NEGR1: variants seen among roughly 807,000 people sequenced by gnomAD.
NEGR1 encodes neuronal growth regulator 1.
NEGR1 carries 10 observed loss-of-function variants against 40.9 expected under a neutral mutation model. The ratio of observed to expected loss-of-function variants is 0.24; its 90% CI spans 0.15 to 0.42. The LOEUF is 0.42. Ranked by LOEUF, NEGR1 falls within the 10% of genes least tolerant of loss-of-function variation. The pLI is 1.00. For synonymous variants in NEGR1, 185 were observed against 166.8 expected (o/e 1.11, Z -0.84); for missense variants, 352 against 438.9 (o/e 0.80, Z 1.77).
At chr1:72,135,119 G>T (rs1650401727) in intron 1 of NEGR1, among the ~76,000 whole-genome samples, 1 of 148,810 alleles carries the variant, frequency 6.7e-6, no homozygotes, top group Non-Finnish European at 1.5e-5. Context: ...GCTCAGGCCT[G>T]TAATCCCAGC....
At chr1:72,171,863 T>C (rs1225620410) in intron 1 of NEGR1, among the ~76,000 whole-genome samples, 2 of 152,184 alleles carry the variant, frequency 1.3e-5, no homozygotes, top group Admixed American at 1.3e-4. Flanking sequence ...TCTTAAACTA[T>C]TCCTTCAACA....
intron 1 of NEGR1, among the ~76,000 whole-genome samples, chr1:72,244,162 TA>T (rs1412393264): frequency 6.6e-6 from 1 of 151,840 alleles, no homozygotes; most frequent in East Asian, 1.9e-4. Flanking sequence ...TGATTTCATA[TA>T]TTCCATCATA....
chr1:71,633,453 T>C (rs1309597857), intron 4 of NEGR1, among the ~76,000 whole-genome samples: 1 of 152,102 alleles, frequency 6.6e-6, no homozygotes, highest in East Asian at 1.9e-4. Flanking sequence ...AAGAATGGAA[T>C]GGAGGAGTTT....
chr1:72,205,756 CAAAAAAAAAAA>C (rs35490878), intron 1 of NEGR1, among the ~76,000 whole-genome samples: 938 of 30,928 alleles, frequency 0.03, 13 homozygotes, highest in African/African-American at 0.094. Flanking sequence ...CCCATTTCTA[CAAAAAAAAAAA>C]AAAAAAAAAA....
At chr1:71,848,560 A>G (rs1450923545) in intron 2 of NEGR1, among the ~76,000 whole-genome samples, 3 of 152,232 alleles carry the variant, frequency 2.0e-5, no homozygotes, top group Non-Finnish European at 4.4e-5. Flanking sequence ...ATGACAGCAC[A>G]TCTGTTTACA....
intron 2 of NEGR1, among the ~76,000 whole-genome samples, chr1:71,924,533 T>C (rs1645752967): frequency 6.6e-6 from 1 of 152,134 alleles, no homozygotes. Flanking sequence ...AAAGGGTCCA[T>C]CCACCCATTT....
intron 6 of NEGR1, among the ~76,000 whole-genome samples, chr1:71,454,137 C>T (rs1284055929): frequency 6.6e-6 from 1 of 152,110 alleles, no homozygotes; most frequent in African/African-American, 2.4e-5. Context: ...ATTTATTCTC[C>T]ACCCACCTTA....
intron 1 of NEGR1, among the ~76,000 whole-genome samples, chr1:72,254,201 C>T (rs760478272): frequency 1.3e-5 from 2 of 152,154 alleles, no homozygotes; most frequent in Admixed American, 6.5e-5. Context: ...ATGTAGTACA[C>T]TAATATCTTT....
intron 2 of NEGR1, among the ~76,000 whole-genome samples, chr1:71,895,838 G>C (rs183891620): frequency 1.3e-5 from 2 of 152,182 alleles, no homozygotes; most frequent in Non-Finnish European, 2.9e-5. Flanking sequence ...GAATTATATA[G>C]TAACTGTGTG....
Position 72,275,194 on chromosome 1 carries a change from A to G in NEGR1, c.176+7125T>C. 5 of 607,958 alleles carry G rather than the reference A, an allele frequency of 8.2e-6. No homozygotes were observed. The South Asian group carries it at 8.2e-5, about 10-fold the overall frequency. 37.7% of individuals were successfully genotyped at this position (607,958 alleles called of 1,614,324 possible). On this transcript the variant is annotated intron_variant, in intron 1 of 6. Transcript: ENST00000357731. ...ATTAAAATGACAAAGAAAAACAGAA[A>G]ATACATCTTCACAAAATATCAAAAA...
At chr1:71,474,957 G>C (rs1253723998) in intron 6 of NEGR1, among the ~76,000 whole-genome samples, 1 of 151,966 alleles carries the variant, frequency 6.6e-6, no homozygotes, top group Non-Finnish European at 1.5e-5. Flanking sequence ...AATTCAACAA[G>C]GGTCAGGTAA....
intron 1 of NEGR1, among the ~76,000 whole-genome samples, chr1:71,941,853 A>C (rs1473750182): frequency 6.6e-6 from 1 of 152,070 alleles, no homozygotes; most frequent in African/African-American, 2.4e-5. Context: ...AACTATTATT[A>C]TTATCATTAT....
intron 6 of NEGR1, among the ~76,000 whole-genome samples, chr1:71,552,648 T>A (rs1162851103): frequency 6.7e-6 from 1 of 150,212 alleles, no homozygotes; most frequent in Admixed American, 6.7e-5. Context: ...CACACATCTA[T>A]ATGTATATAT....
chr1:71,748,598 T>A (rs1655464298), intron 3 of NEGR1, among the ~76,000 whole-genome samples: 1 of 152,188 alleles, frequency 6.6e-6, no homozygotes, highest in Non-Finnish European at 1.5e-5. Context: ...TTGGTTTGCA[T>A]ATTTACTTAT....
At chr1:72,109,246 T>C (rs1239595730) in intron 1 of NEGR1, among the ~76,000 whole-genome samples, 9 of 151,162 alleles carry the variant, frequency 6.0e-5, no homozygotes, top group Non-Finnish European at 1.3e-4. Context: ...TCCAAGAATA[T>C]AAAGAAAAAA....
intron 1 of NEGR1, among the ~76,000 whole-genome samples, chr1:72,158,396 G>A (rs1651438191): frequency 1.3e-5 from 2 of 152,098 alleles, no homozygotes; most frequent in Non-Finnish European, 2.9e-5. Context: ...CTGCCCTATG[G>A]CAGGCTCACA....
At chr1:71,821,730 G>T (rs1231979226) in intron 2 of NEGR1, among the ~76,000 whole-genome samples, 1 of 152,000 alleles carries the variant, frequency 6.6e-6, no homozygotes, top group African/African-American at 2.4e-5. Context: ...TAGACATCAT[G>T]ACATTTGTAG....
chr1:72,261,314 T>A, intron 1 of NEGR1, among the ~76,000 whole-genome samples: 1 of 152,126 alleles, frequency 6.6e-6, no homozygotes, highest in East Asian at 1.9e-4. Flanking sequence ...GTATTATAAA[T>A]ATTTTCAATT....
chr1:72,128,084 C>T (rs12141628), intron 1 of NEGR1, among the ~76,000 whole-genome samples: 63,132 of 151,880 alleles, frequency 0.42, 14,307 homozygotes, highest in Admixed American at 0.55. Context: ...ATTATTTAAT[C>T]TGACCTTAAA....
Sources: gnomAD v4.1 joint callset for allele counts (sites outside exome capture counted in the v4.1 genomes callset) on GRCh38, gnomAD v4.1.1 for gene constraint, MANE v1.5 for transcripts, NCBI Gene and HGNC (gene_info 2026-07-23, HGNC 2026-07-21) for gene names.